The following IL1RAPL1 variants were observed in gnomAD, a reference collection of about 807,000 sequenced individuals.
IL1RAPL1 encodes the protein interleukin-1 receptor accessory protein-like 1.
A neutral mutation model predicts 48.4 loss-of-function variants in IL1RAPL1; 3 were observed. The ratio of observed to expected loss-of-function variants is 0.06; its 90% CI spans 0.03 to 0.16. The LOEUF is 0.16. Ranked by LOEUF, IL1RAPL1 falls within the 10% of genes least tolerant of loss-of-function variation. The pLI, the probability that IL1RAPL1 is intolerant of heterozygous loss-of-function variation, is 1.00. For missense variants in IL1RAPL1, 349 were observed against 530.6 expected (o/e 0.66, Z 3.36); for synonymous variants, 185 against 187.7 (o/e 0.99, Z 0.12).
In IL1RAPL1 at chrX:29,564,028, G is replaced by A. The variant is rs773807531; in HGVS notation, c.704-104402G>A. Among the ~76,000 whole-genome samples the A allele has an allele frequency of 1.1e-4, 12 of 111,661 alleles. No individual in the cohort carries two copies. The Admixed American group carries it at 1.1e-3, about 11-fold the overall frequency. On this transcript the variant is annotated intron_variant, in intron 5 of 10. Transcript: ENST00000378993. ...CATGGCTTTCCTAAAACTTTGGGCT[G>A]TTCTTTAAAAATTAATCTTATTCTC...
At chrX:28,822,059 A>G (rs1936942632) in intron 2 of IL1RAPL1, among the ~76,000 whole-genome samples, 2 of 110,011 alleles carry the variant, frequency 1.8e-5, no homozygotes, top group African/African-American at 3.3e-5. Context: ...GTGATATACG[A>G]TTGACTTGGA....
intron 6 of IL1RAPL1, among the ~76,000 whole-genome samples, chrX:29,675,430 ATAT>A (rs1416035952): frequency 1.2e-4 from 13 of 112,009 alleles, no homozygotes; most frequent in African/African-American, 3.6e-4. Context: ...ACACTGACAC[ATAT>A]TATGCAGATT....
intron 2 of IL1RAPL1, among the ~76,000 whole-genome samples, chrX:28,808,614 T>C (rs1434391614): frequency 9.0e-6 from 1 of 111,125 alleles, no homozygotes; most frequent in African/African-American, 3.2e-5. Context: ...TGAATTGGAA[T>C]GGGTATTAAA....
intron 2 of IL1RAPL1, among the ~76,000 whole-genome samples, chrX:29,227,637 T>G (rs1278633006): frequency 8.9e-6 from 1 of 112,139 alleles, no homozygotes; most frequent in East Asian, 2.8e-4. Flanking sequence ...ATCACTTTTT[T>G]GACATAAAAT....
intron 5 of IL1RAPL1, among the ~76,000 whole-genome samples, chrX:29,586,515 C>T (rs779408848): frequency 1.8e-5 from 2 of 111,543 alleles, no homozygotes; most frequent in African/African-American, 3.2e-5. Context: ...CTGATTTCAT[C>T]GTTTATGGTC....
At chrX:29,447,394 T>C (rs6526860) in intron 5 of IL1RAPL1, among the ~76,000 whole-genome samples, 14,524 of 111,060 alleles carry the variant, frequency 0.13, 1,632 homozygotes, top group African/African-American at 0.37. Flanking sequence ...TTATTTCCTC[T>C]GAAGAGGGAC....
intron 6 of IL1RAPL1, among the ~76,000 whole-genome samples, chrX:29,739,554 G>A (rs1239129450): frequency 9.0e-6 from 1 of 111,271 alleles, no homozygotes; most frequent in Non-Finnish European, 1.9e-5. Flanking sequence ...TTCATGAGTT[G>A]CCATAAAAAT....
At chrX:29,875,131 T>TG (rs1358981398) in intron 6 of IL1RAPL1, among the ~76,000 whole-genome samples, 1 of 111,979 alleles carries the variant, frequency 8.9e-6, no homozygotes, top group African/African-American at 3.2e-5. Flanking sequence ...ATGATGTAAA[T>TG]GCCTTGGACA....
chrX:29,597,149 A>ATTTTTTTTTTTTTTTTTTTTTTTTT (rs35180262), intron 5 of IL1RAPL1, among the ~76,000 whole-genome samples: 1 of 55,967 alleles, frequency 1.8e-5, no homozygotes, highest in African/African-American at 6.7e-5. Flanking sequence ...TTTGTTGAGG[A>ATTTTTTTTTTTTTTTTTTTTTTTTT]TTTTTTTTTT....
At chrX:29,646,867 T>A (rs1925345999) in intron 5 of IL1RAPL1, among the ~76,000 whole-genome samples, 2 of 111,464 alleles carry the variant, frequency 1.8e-5, no homozygotes, top group South Asian at 3.7e-4. Flanking sequence ...AAAGCTGTCC[T>A]TCAGAAATGA....
At chrX:29,737,776 C>T (rs761444394) in intron 6 of IL1RAPL1, among the ~76,000 whole-genome samples, 16 of 112,334 alleles carry the variant, frequency 1.4e-4, no homozygotes, top group Non-Finnish European at 2.3e-4. Flanking sequence ...AGCTAGCACA[C>T]AGTGAGTTAA....
intron 2 of IL1RAPL1, among the ~76,000 whole-genome samples, chrX:28,799,647 G>T (rs1290977729): frequency 8.9e-6 from 1 of 112,043 alleles, no homozygotes; most frequent in Non-Finnish European, 1.9e-5. Context: ...CTGTAGAAAA[G>T]ACTAGGGTGG....
intron 1 of IL1RAPL1, among the ~76,000 whole-genome samples, chrX:28,695,775 C>T (rs1935223526): frequency 8.9e-6 from 1 of 112,082 alleles, no homozygotes; most frequent in Admixed American, 9.5e-5. Flanking sequence ...GGAGTCTCTT[C>T]TTCTATAGAG....
intron 1 of IL1RAPL1, among the ~76,000 whole-genome samples, chrX:28,721,635 T>A (rs1402151140): frequency 7.2e-5 from 8 of 110,785 alleles, no homozygotes; most frequent in African/African-American, 9.9e-5. Context: ...TTTGTTGCCA[T>A]TGCTTTTGGT....
At chrX:29,653,630 AT>A (rs1248547092) in intron 5 of IL1RAPL1, among the ~76,000 whole-genome samples, 2 of 111,174 alleles carry the variant, frequency 1.8e-5, no homozygotes, top group Non-Finnish European at 3.8e-5. Flanking sequence ...CATGTTTTTA[AT>A]GACTTGTGAT....
intron 2 of IL1RAPL1, among the ~76,000 whole-genome samples, chrX:28,869,127 G>T (rs985739736): frequency 1.8e-5 from 2 of 112,437 alleles, no homozygotes; most frequent in Non-Finnish European, 3.8e-5. Flanking sequence ...CAATGTCCTC[G>T]ATCTTTGCTT....
At chrX:29,927,573 G>A (rs758760301) in intron 8 of IL1RAPL1, among the ~76,000 whole-genome samples, 9 of 111,418 alleles carry the variant, frequency 8.1e-5, no homozygotes, top group Non-Finnish European at 1.5e-4. Flanking sequence ...CCTCTTAAAT[G>A]AAGAGGGCCC....
chrX:29,170,697 A>G (rs1329169122), intron 2 of IL1RAPL1, among the ~76,000 whole-genome samples: 1 of 111,711 alleles, frequency 9.0e-6, no homozygotes, highest in Non-Finnish European at 1.9e-5. Flanking sequence ...TATGAAGAAA[A>G]ATGCATAACA....
At chrX:28,785,309 G>A in intron 1 of IL1RAPL1, among the ~76,000 whole-genome samples, 1 of 111,607 alleles carries the variant, frequency 9.0e-6, no homozygotes, top group Non-Finnish European at 1.9e-5. Flanking sequence ...TTTTTTTGTA[G>A]AGATGGTGGT....
Sources: gnomAD v4.1 joint callset for allele counts (sites outside exome capture counted in the v4.1 genomes callset) on GRCh38, gnomAD v4.1.1 for gene constraint, MANE v1.5 for transcripts, NCBI Gene and HGNC (gene_info 2026-07-23, HGNC 2026-07-21) for gene names.